ESRP1: variants seen among roughly 807,000 people sequenced by gnomAD.
The protein encoded by ESRP1 is RNA-binding motif protein 35A.
In ESRP1, 33 loss-of-function variants were observed where a neutral mutation model predicts 81.7. The ratio of observed to expected loss-of-function variants is 0.40; its 90% CI spans 0.31 to 0.54. The LOEUF is 0.54. Ranked by LOEUF, ESRP1 falls within the 20% of genes least tolerant of loss-of-function variation. ESRP1 has a pLI of 0.41. For missense variants in ESRP1, 672 were observed against 833.1 expected, an observed-to-expected ratio of 0.81 and a Z score of 2.38; for synonymous variants, 320 against 303.3, an observed-to-expected ratio of 1.06 and a Z score of -0.57.
intron 3 of ESRP1, among the ~76,000 whole-genome samples, chr8:94,645,824 TA>T (rs1234232057): frequency 6.6e-6 from 1 of 152,190 alleles, no homozygotes; most frequent in Non-Finnish European, 1.5e-5. Context: ...ACAGATGTTC[TA>T]AAATGGTTAT....
At position 94,678,346 on chromosome 8, in the gene ESRP1, A is replaced by G. The variant is rs1482393473; in HGVS notation, c.1795A>G (p.Met599Val). The G allele has an allele frequency of 6.2e-7, 1 of 1,613,940 alleles. No homozygotes were observed. The highest frequency in any genetic ancestry group is 1.3e-5 in the African/African-American group (1 of 75,072). ...AYYPAGTQLF[M>V]NYTAYYPSPP... ...CTACCCAGCAGGCACTCAGCTCTTCATGAATTACACAGCGTACTATCCCAG... is the reference window on the plus strand; with the variant it reads ...CTACCCAGCAGGCACTCAGCTCTTCGTGAATTACACAGCGTACTATCCCAG... The change falls in exon 13 of 16, where the codon ATG (methionine) becomes GTG (valine). Residue 599 changes from methionine (M) to valine (V), a missense_variant. Met to Val is a conservative substitution (Grantham distance 21, BLOSUM62 1). Transcript: ENST00000433389.
intron 15 of ESRP1, among the ~76,000 whole-genome samples, chr8:94,699,917 C>T (rs1052295377): frequency 1.3e-5 from 2 of 151,746 alleles, no homozygotes; most frequent in East Asian, 3.9e-4. Context: ...ATTTTTTTAC[C>T]GCCTCCTTAT....
At chr8:94,684,334 T>G (rs1189272584) in intron 13 of ESRP1, among the ~76,000 whole-genome samples, 1 of 152,192 alleles carries the variant, frequency 6.6e-6, no homozygotes, top group East Asian at 1.9e-4. Flanking sequence ...TATGGACTTT[T>G]AGGAGCACTA....
At position 94,641,298 on chromosome 8, in the gene ESRP1, T is replaced by TCCCCCTCC; in HGVS notation, c.-18_-11dup. ...CCTTACCGCCTCCCGACCCCCCCTC[T>TCCCCCTCC]CCCCCTCCCCACCTATCGTCATGAC... On this transcript the variant is annotated 5_prime_UTR_variant, in exon 1 of 16. Coordinates refer to ENST00000433389, the MANE Select transcript of ESRP1 (RefSeq NM_017697.4). 2.5e-6 allele frequency: 3 copies of TCCCCCTCC among 1,185,228 alleles called. No homozygotes were observed. The highest frequency in any genetic ancestry group is 3.6e-5 in the Admixed American group (2 of 56,250). The allele number at this position is 1,185,228 out of a possible 1,614,324, so 73.4% of individuals were successfully genotyped here.
Position 94,677,198 on chromosome 8 carries a change from G to A in ESRP1, c.1652-1005G>A, listed in dbSNP as rs183022848. ...TCTTATTCATCTCCATGGAAATGTA[G>A]AAACTCATAAGAACAAAAGACAATT... On this transcript the variant is annotated intron_variant, in intron 12 of 15. Transcript: ENST00000433389. Among the ~76,000 whole-genome samples the A allele has an allele frequency of 1.3e-3, 199 of 152,254 alleles. 1 individual carries two copies. Among genetic ancestry groups the A allele is most frequent in the African/African-American group, 3.9e-3 (160 of 41,542 alleles).
Position 94,641,371 on chromosome 8 carries a change from C to A in ESRP1, c.53C>A (p.Ala18Asp), listed in dbSNP as rs756408920. The change falls in exon 1 of 16, where the codon GCC becomes GAC. Residue 18 changes from alanine (A) to aspartate (D), a missense_variant. Transcript: ENST00000433389. ...LVVLFGITAG[A>D]TGAKLGSDEK... ...GTGCTTTTTGGGATCACTGCTGGGG[C>A]CACCGGGGCCAAGCTAGGCTCGGAT... is the stretch of plus-strand genomic sequence containing the variant. The A allele has an allele frequency of 1.5e-5, 24 of 1,613,872 alleles. No homozygotes were observed. The highest frequency in any genetic ancestry group is 1.9e-5 in the Non-Finnish European group (23 of 1,179,850).
At chr8:94,667,305 G>A (rs894011367) in intron 9 of ESRP1, among the ~76,000 whole-genome samples, 4 of 151,888 alleles carry the variant, frequency 2.6e-5, no homozygotes, top group African/African-American at 9.7e-5. Flanking sequence ...ATGCATTTAA[G>A]TATTTGCTAT....
At chr8:94,657,158 A>G (rs1818467854) in intron 4 of ESRP1, among the ~76,000 whole-genome samples, 1 of 152,126 alleles carries the variant, frequency 6.6e-6, no homozygotes, top group East Asian at 1.9e-4. Flanking sequence ...TTTTGTTCCC[A>G]CTGCCTCTGC....
chr8:94,678,250 C>G lies in ESRP1; in HGVS notation c.1699C>G (p.Pro567Ala). The G allele has an allele frequency of 6.2e-7, 1 of 1,614,002 alleles. No homozygotes were observed. Among genetic ancestry groups the G allele is most frequent in the Non-Finnish European group, 8.5e-7 (1 of 1,179,896 alleles). Residue 567 changes from proline (P) to alanine (A), a missense_variant, in exon 13 of 16, where the codon CCT becomes GCT. By Grantham distance (27) the Pro-to-Ala change is conservative. Transcript: ENST00000433389. Reference protein sequence around the residue: ...YTFPAPAAVIPTEAAIYQPSV... With the variant: ...YTFPAPAAVIATEAAIYQPSV... ...ATTTCCAGCTCCTGCTGCAGTTATT[C>G]CTACAGAAGCTGCCATTTACCAGCC...
chr8:94,681,481 A>G (rs1808882900), intron 13 of ESRP1, among the ~76,000 whole-genome samples: 1 of 151,068 alleles, frequency 6.6e-6, no homozygotes, highest in Non-Finnish European at 1.5e-5. Context: ...ACTAAAAAAT[A>G]CAAAAAGTAG....
Position 94,674,128 on chromosome 8 carries a change from A to G in ESRP1, c.1453-180A>G, listed in dbSNP as rs1819474190. On this transcript the variant is annotated intron_variant, in intron 11 of 15. Coordinates refer to ENST00000433389, the MANE Select transcript of ESRP1 (RefSeq NM_017697.4). The stretch of plus-strand genomic sequence containing the variant: ...CTGTTTCTTAAAGGTTTTGTTGGCC[A>G]TTCTGGTGATCAGGTGATGAAATGC... 2.6e-5 allele frequency among the ~76,000 whole-genome samples: 4 copies of G among 152,210 alleles called. No individual in the cohort carries two copies. In the South Asian group the frequency reaches 8.3e-4, roughly 32 times the overall value.
intron 4 of ESRP1, among the ~76,000 whole-genome samples, chr8:94,651,339 C>A (rs1266309112): frequency 6.8e-6 from 1 of 147,178 alleles, no homozygotes; most frequent in Non-Finnish European, 1.5e-5. Flanking sequence ...GCCTCAAACT[C>A]CTGCACCCTA....
intron 2 of ESRP1, among the ~76,000 whole-genome samples, chr8:94,643,097 G>A (rs962818592): frequency 1.1e-4 from 17 of 152,290 alleles, no homozygotes; most frequent in African/African-American, 4.1e-4. Context: ...TCCTGGGCGC[G>A]AACTGCGGAT....
intron 4 of ESRP1, among the ~76,000 whole-genome samples, chr8:94,649,381 T>C (rs950094807): frequency 3.9e-5 from 6 of 152,160 alleles, no homozygotes; most frequent in African/African-American, 1.4e-4. Context: ...CTTTATTTTT[T>C]TGAGATGTAG....
intron 13 of ESRP1, among the ~76,000 whole-genome samples, chr8:94,683,118 A>G (rs1808989011): frequency 2.0e-5 from 3 of 150,536 alleles, no homozygotes; most frequent in South Asian, 4.2e-4. Flanking sequence ...CTAATTTTGT[A>G]TTTTTAGTAG....
chr8:94,652,887 A>G (rs1332190858), intron 4 of ESRP1, among the ~76,000 whole-genome samples: 1 of 152,198 alleles, frequency 6.6e-6, no homozygotes, highest in Non-Finnish European at 1.5e-5. Context: ...TCTTTAAGTT[A>G]TATGCTCTAG....
rs1356752211 is a variant in ESRP1, at chr8:94,641,325, G to A, written c.7G>A (p.Ala3Thr). Residue 3 changes from alanine to threonine, a missense_variant, in exon 1 of 16, where the codon GCC (alanine) becomes ACC (threonine). Ala to Thr is a moderately conservative substitution (Grantham distance 58, BLOSUM62 0). Transcript: ENST00000433389. MT[A>T]SPDYLVVLFG... ...CCCCTCCCCACCTATCGTCATGACG[G>A]CCTCTCCGGATTACTTGGTGGTGCT... The A allele has an allele frequency of 6.2e-7, 1 of 1,613,460 alleles. No individual in the cohort carries two copies. The highest frequency in any genetic ancestry group is 2.2e-5 in the East Asian group (1 of 44,878).
At chr8:94,656,192 G>T (rs1382864264) in intron 4 of ESRP1, 3 of 143,864 alleles carry the variant, frequency 2.1e-5, no homozygotes, top group Non-Finnish European at 4.5e-5. Flanking sequence ...AGGCTACATA[G>T]CAGGACCCTA....
intron 6 of ESRP1, among the ~76,000 whole-genome samples, chr8:94,662,949 A>G (rs1818826036): frequency 6.6e-6 from 1 of 152,134 alleles, no homozygotes; most frequent in Non-Finnish European, 1.5e-5. Context: ...AATTCTTGTT[A>G]TATTTGAGAA....
Sources: gnomAD v4.1 joint callset for allele counts (sites outside exome capture counted in the v4.1 genomes callset) on GRCh38, gnomAD v4.1.1 for gene constraint, MANE v1.5 for transcripts, NCBI Gene and HGNC (gene_info 2026-07-23, HGNC 2026-07-21) for gene names.